The following NHLRC2 variants were observed in gnomAD, a reference collection of about 807,000 sequenced individuals.
The protein encoded by NHLRC2 is NHL repeat-containing protein 2.
In NHLRC2, 33 loss-of-function variants were observed where a neutral mutation model predicts 68.1. The ratio of observed to expected loss-of-function variants is 0.48; its 90% confidence interval spans 0.37 to 0.65. NHLRC2 has a LOEUF of 0.65. Among genes scored for constraint, NHLRC2 ranks in the 30% least tolerant of loss-of-function variants. The pLI, the probability that NHLRC2 is intolerant of heterozygous loss-of-function variation, is 0.00. For synonymous variants in NHLRC2, 311 were observed against 309.6 expected (o/e 1.00, Z -0.05); for missense variants, 761 against 853.8 (o/e 0.89, Z 1.35).
chr10:113,897,386 T>C lies in NHLRC2; in HGVS notation c.1040-724T>C, dbSNP rs1002401299. On this transcript the variant is annotated intron_variant, in intron 5 of 10. Transcript: ENST00000369301. ...AGAGGTTGTATTATACTTTTTACCC[T>C]CTATGGTGTCTATTGAAGGGCTGTT... Among the ~76,000 whole-genome samples, 3 of 152,196 alleles carry C rather than the reference T, an allele frequency of 2.0e-5. No individual in the cohort carries two copies. The South Asian group carries it at 6.2e-4, about 31-fold the overall frequency.
chr10:113,900,487 A>G (rs929981145), intron 6 of NHLRC2, among the ~76,000 whole-genome samples: 5 of 152,176 alleles, frequency 3.3e-5, no homozygotes, highest in African/African-American at 1.2e-4. Context: ...TTAATAGGAA[A>G]TTGGCACTAG....
chr10:113,903,576 C>T lies in NHLRC2; in HGVS notation c.1544C>T (p.Thr515Ile). Residue 515 changes from threonine to isoleucine, a missense_variant, in exon 9 of 11, where the codon ACT (threonine) becomes ATT (isoleucine). Coordinates refer to ENST00000369301, the MANE Select transcript of NHLRC2 (RefSeq NM_198514.4). Reference protein sequence around the residue: ...KTKNCTTLAGTGDTNNVTSSS... With the variant: ...KTKNCTTLAGIGDTNNVTSSS... ...AAAAACTGTACAACATTAGCAGGAA[C>T]TGGAGACACAAATAATGTTACCAGT... is the stretch of plus-strand genomic sequence containing the variant. The T allele has an allele frequency of 6.2e-7, 1 of 1,612,726 alleles. No homozygotes were observed. The highest frequency in any genetic ancestry group is 8.5e-7 in the Non-Finnish European group (1 of 1,179,124).
At chr10:113,866,371 G>C (rs1845867944) in intron 2 of NHLRC2, among the ~76,000 whole-genome samples, 1 of 152,084 alleles carries the variant, frequency 6.6e-6, no homozygotes, top group Non-Finnish European at 1.5e-5. Context: ...GAACTTCTAA[G>C]TTTTTTATTT....
intron 3 of NHLRC2, among the ~76,000 whole-genome samples, chr10:113,878,435 C>T (rs892246738): frequency 6.6e-6 from 1 of 152,164 alleles, no homozygotes; most frequent in Non-Finnish European, 1.5e-5. Context: ...TTCCATTTTA[C>T]AGAAGTAAAA....
In NHLRC2 at chr10:113,910,967, A is replaced by G. The variant is rs1846323190; in HGVS notation, c.*2431A>G. 6.6e-6 allele frequency: 1 copy of G among 152,222 alleles called. No individual in the cohort carries two copies. Among genetic ancestry groups the G allele is most frequent in the Non-Finnish European group, 1.5e-5 (1 of 68,018 alleles). 9.4% of individuals were successfully genotyped at this position (152,222 alleles called of 1,614,324 possible). A position where few individuals can be genotyped will look rare whatever the true frequency, so the allele number is the denominator to read the frequency against. ...TAGGTTCCTAGAATTTATGACGAGG[A>G]TAAACCTCTCACATAAGAGGAAGCA... On this transcript the variant is annotated 3_prime_UTR_variant, in exon 11 of 11. Coordinates refer to ENST00000369301, the MANE Select transcript of NHLRC2 (RefSeq NM_198514.4).
At position 113,901,840 on chromosome 10, in the gene NHLRC2, C is replaced by T. The variant is rs766926003; in HGVS notation, c.1314C>T (p.Thr438=). The T allele has an allele frequency of 3.7e-6, 6 of 1,614,050 alleles. No homozygotes were observed. The highest frequency in any genetic ancestry group is 1.1e-5 in the South Asian group (1 of 91,072). ...ATAGTGAGAGCAGTACAGTGAGAAC[C>T]GTTTCACTGAAAGATGGAGCAGTGA... ...VADSESSTVR[T]VSLKDGAVKH... is the part of the protein sequence containing the mutation. Residue 438 remains threonine, a synonymous_variant, in exon 7 of 11, where the codon ACC becomes ACT. Coordinates refer to ENST00000369301, the MANE Select transcript of NHLRC2 (RefSeq NM_198514.4).
intron 2 of NHLRC2, among the ~76,000 whole-genome samples, chr10:113,864,612 G>A (rs993700037): frequency 1.3e-5 from 2 of 151,268 alleles, no homozygotes; most frequent in Admixed American, 6.6e-5. Context: ...CAAGAGAATC[G>A]CTTGAACCCA....
chr10:113,879,847 A>C (rs1044349201), intron 4 of NHLRC2, 152 bp downstream of exon 4: 4 of 521,674 alleles, frequency 7.7e-6, no homozygotes, highest in Non-Finnish European at 9.8e-6. Flanking sequence ...TTTTATTCTC[A>C]AGTATCCTGT....
intron 4 of NHLRC2, among the ~76,000 whole-genome samples, chr10:113,880,996 T>G (rs531887078): frequency 8.4e-4 from 127 of 152,036 alleles, no homozygotes; most frequent in Non-Finnish European, 1.5e-3. Context: ...TCTAAACTTA[T>G]TTGACCAGAG....
In NHLRC2 at chr10:113,904,936, G is replaced by T. The variant is rs969389684; in HGVS notation, c.1824G>T (p.Ala608=). Residue 608 remains alanine, a synonymous_variant, in exon 10 of 11, where the codon GCG becomes GCT. Transcript: ENST00000369301. The part of the protein sequence containing the change: ...APSIRLSPVT[A]CAGQTLQFKL... ...GCATTAGGCTTTCCCCCGTGACTGC[G>T]TGTGCTGGCCAGACTCTTCAGTTCA... is the stretch of plus-strand genomic sequence containing the variant. The T allele has an allele frequency of 6.2e-7, 1 of 1,603,212 alleles. No individual in the cohort carries two copies. Among genetic ancestry groups the T allele is most frequent in the Admixed American group, 1.7e-5 (1 of 57,836 alleles).
intron 7 of NHLRC2, 29 bp downstream of exon 7, chr10:113,901,926 C>T (rs1564858664): frequency 7.0e-7 from 1 of 1,432,202 alleles, no homozygotes; most frequent in South Asian, 1.2e-5. Flanking sequence ...GCACAGTGCG[C>T]TCGGACACTG....
intron 5 of NHLRC2, among the ~76,000 whole-genome samples, chr10:113,897,498 G>A (rs1846187040): frequency 6.6e-6 from 1 of 152,214 alleles, no homozygotes; most frequent in African/African-American, 2.4e-5. Context: ...TAACATTTGA[G>A]TGATATTGCC....
intron 2 of NHLRC2, among the ~76,000 whole-genome samples, chr10:113,873,849 C>G (rs1257615786): frequency 6.6e-6 from 1 of 152,124 alleles, no homozygotes; most frequent in Non-Finnish European, 1.5e-5. Context: ...GATCTACAAC[C>G]CTTATATTCT....
Position 113,909,521 on chromosome 10 carries a change from C to T in NHLRC2, c.*985C>T, listed in dbSNP as rs1461415418. 1 of 151,950 alleles carries T rather than the reference C, an allele frequency of 6.6e-6. No individual in the cohort carries two copies. The highest frequency in any genetic ancestry group is 2.4e-5 in the African/African-American group (1 of 41,376). The allele number at this position is 151,950 out of a possible 1,614,324, so 9.4% of individuals were successfully genotyped here. A position where few individuals can be genotyped will look rare whatever the true frequency, so the allele number is the denominator to read the frequency against. ...TTTATTGTGATGTTTTTAAAAATCACTTTTAAGCCTTAAAAGTGAAATTTT... is the reference window on the plus strand; with the variant it reads ...TTTATTGTGATGTTTTTAAAAATCATTTTTAAGCCTTAAAAGTGAAATTTT... On this transcript the variant is annotated 3_prime_UTR_variant, in exon 11 of 11. Transcript: ENST00000369301.
In NHLRC2 at chr10:113,912,619, G is replaced by A. The variant is rs1846339882; in HGVS notation, c.*4083G>A. Reference sequence around the variant, plus strand: ...AGAGTACTTATATCTTAACCAAAAAGTTTCACTTCAATGGTGGTGCTTCAC... The same window carrying A: ...AGAGTACTTATATCTTAACCAAAAAATTTCACTTCAATGGTGGTGCTTCAC... On this transcript the variant is annotated 3_prime_UTR_variant, in exon 11 of 11. Coordinates refer to ENST00000369301, the MANE Select transcript of NHLRC2 (RefSeq NM_198514.4). 1.3e-5 allele frequency: 2 copies of A among 152,310 alleles called. No homozygotes were observed. Among genetic ancestry groups the A allele is most frequent in the Admixed American group, 1.3e-4 (2 of 15,296 alleles). The allele number at this position is 152,310 out of a possible 1,614,324, so 9.4% of individuals were successfully genotyped here.
At chr10:113,902,134 A>G (rs1365859495) in intron 7 of NHLRC2, among the ~76,000 whole-genome samples, 1 of 152,216 alleles carries the variant, frequency 6.6e-6, no homozygotes, top group Non-Finnish European at 1.5e-5. Flanking sequence ...GGAGAAAGAA[A>G]GGATGAAGCA....
In NHLRC2 at chr10:113,903,613, A is replaced by C. The variant is rs1373786365; in HGVS notation, c.1581A>C (p.Thr527=). 4 of 1,611,068 alleles carry C rather than the reference A, an allele frequency of 2.5e-6. No homozygotes were observed. Among genetic ancestry groups the C allele is most frequent in the Admixed American group, 3.3e-5 (2 of 59,998 alleles). ...DTNNVTSSSF[T]ESTFNEPGGL... ...ATAATGTTACCAGTTCCAGTTTTAC[A>C]GAGTCAACTTTTAATGAACCAGGAG... is the stretch of plus-strand genomic sequence containing the variant. The change falls in exon 9 of 11, where the codon ACA becomes ACC. Residue 527 remains threonine, a synonymous_variant. Coordinates refer to ENST00000369301, the MANE Select transcript of NHLRC2 (RefSeq NM_198514.4).
intron 3 of NHLRC2, among the ~76,000 whole-genome samples, chr10:113,878,863 C>G (rs1204514507): frequency 6.6e-6 from 1 of 152,082 alleles, no homozygotes; most frequent in Non-Finnish European, 1.5e-5. Flanking sequence ...GTTACACTAC[C>G]TTTTTATGGT....
chr10:113,902,354 A>G (rs969102307), intron 7 of NHLRC2, 117 bp from the exon 8 acceptor site: 6 of 677,418 alleles, frequency 8.9e-6, no homozygotes, highest in Non-Finnish European at 1.5e-5. Flanking sequence ...GAAAATCAGC[A>G]TTTTCCCTTT....
Sources: allele counts gnomAD v4.1 joint callset (sites outside exome capture counted in the v4.1 genomes callset), GRCh38; gene constraint gnomAD v4.1.1; transcripts MANE v1.5; gene names NCBI Gene and HGNC (gene_info 2026-07-23, HGNC 2026-07-21).